The following CNOT6L variants were observed in gnomAD, a reference collection of about 807,000 sequenced individuals.
CNOT6L encodes CCR4-NOT transcription complex subunit 6-like.
Under a neutral mutation model 64.0 loss-of-function variants are expected in CNOT6L, and 7 were observed. That is an observed-to-expected ratio of 0.11 (90% CI 0.06 to 0.21). The LOEUF (loss-of-function observed/expected upper bound fraction) is 0.21. Among genes scored for constraint, CNOT6L ranks in the 10% least tolerant of loss-of-function variants. The pLI is 1.00. For missense variants in CNOT6L, 245 were observed against 669.0 expected, an observed-to-expected ratio of 0.37 and a Z score of 6.99; for synonymous variants, 193 against 243.4, an observed-to-expected ratio of 0.79 and a Z score of 1.93.
At chr4:77,768,354 T>G (rs1727096789) in intron 4 of CNOT6L, among the ~76,000 whole-genome samples, 1 of 151,246 alleles carries the variant, frequency 6.6e-6, no homozygotes, top group Non-Finnish European at 1.5e-5. Flanking sequence ...AAATCCCAAC[T>G]ACTTGGGAAG....
In CNOT6L at chr4:77,755,169, A is replaced by AG. The variant is rs553365597; in HGVS notation, c.490+1692_490+1693insC. Reference sequence around the variant, plus strand: ...TACAAGAACTCCTTACAAATGACACACACACAGCACACACATATGGCTGGA... The same window carrying AG: ...TACAAGAACTCCTTACAAATGACACAGCACACAGCACACACATATGGCTGGA... On this transcript the variant is annotated intron_variant, in intron 5 of 11. Coordinates refer to ENST00000504123, the MANE Select transcript of CNOT6L (RefSeq NM_144571.3). Among the ~76,000 whole-genome samples, 70 of 150,312 alleles carry AG rather than the reference A, an allele frequency of 4.7e-4. No individual in the cohort carries two copies. In the East Asian group the frequency reaches 9.8e-3, roughly 21 times the overall value.
At chr4:77,781,289 C>G (rs1424827473) in intron 1 of CNOT6L, among the ~76,000 whole-genome samples, 4 of 152,136 alleles carry the variant, frequency 2.6e-5, no homozygotes, top group Non-Finnish European at 4.4e-5. Context: ...ATGGGACATA[C>G]ATACCTATGT....
chr4:77,716,409 A>G lies in CNOT6L; in HGVS notation c.*4022T>C, dbSNP rs1720752188. On this transcript the variant is annotated 3_prime_UTR_variant, in exon 12 of 12. Transcript: ENST00000504123. Reference sequence around the variant, plus strand: ...AGGAATGACATAATGATGTGGTTATATGCCTCTGGTTCTTCAAAGAATGTA... The same window carrying G: ...AGGAATGACATAATGATGTGGTTATGTGCCTCTGGTTCTTCAAAGAATGTA... The G allele has an allele frequency of 6.6e-6, 1 of 152,134 alleles. No individual in the cohort carries two copies. Among genetic ancestry groups the G allele is most frequent in the African/African-American group, 2.4e-5 (1 of 41,460 alleles). The allele number at this position is 152,134 out of a possible 1,614,324, so 9.4% of individuals were successfully genotyped here. A position where few individuals can be genotyped will look rare whatever the true frequency, so the allele number is the denominator to read the frequency against.
intron 1 of CNOT6L, among the ~76,000 whole-genome samples, chr4:77,809,490 T>C (rs1732653218): frequency 6.6e-6 from 1 of 152,202 alleles, no homozygotes; most frequent in Admixed American, 6.5e-5. Flanking sequence ...ATTCTGTATA[T>C]AACTCACATT....
chr4:77,795,361 T>C (rs918097098), intron 1 of CNOT6L, among the ~76,000 whole-genome samples: 1 of 152,070 alleles, frequency 6.6e-6, no homozygotes, highest in African/African-American at 2.4e-5. Flanking sequence ...CATAAAAAAA[T>C]AGAGATTAAT....
intron 1 of CNOT6L, 21 bp downstream of exon 1, chr4:77,819,283 G>A (rs1030929725): frequency 4.4e-5 from 71 of 1,613,364 alleles, no homozygotes; most frequent in Non-Finnish European, 5.8e-5. Context: ...GGTCCTACTC[G>A]GAGGCAAAAG....
chr4:77,803,847 G>A (rs1417392381), intron 1 of CNOT6L, among the ~76,000 whole-genome samples: 1 of 151,830 alleles, frequency 6.6e-6, no homozygotes, highest in Admixed American at 6.6e-5. Flanking sequence ...AGGCTGCAGT[G>A]AGCCGAGATC....
In CNOT6L at chr4:77,808,278, G is replaced by A. The variant is rs1001977185; in HGVS notation, c.5+11026C>T. 5.3e-5 allele frequency among the ~76,000 whole-genome samples: 8 copies of A among 151,774 alleles called. 1 individual carries two copies. Among genetic ancestry groups the A allele is most frequent in the African/African-American group, 1.4e-4 (6 of 41,418 alleles). On this transcript the variant is annotated intron_variant, in intron 1 of 11. Coordinates refer to ENST00000504123, the MANE Select transcript of CNOT6L (RefSeq NM_144571.3). ...GGAGTTCGAGACCAGCCTGGCCAAC[G>A]TGGTGAAACCCCATCTCCACTAAAA...
In CNOT6L at chr4:77,810,643, T is replaced by G. The variant is rs77601726; in HGVS notation, c.5+8661A>C. The stretch of plus-strand genomic sequence containing the variant: ...TCAAACATGTATCATTTCTTTGCAT[T>G]TGGAACATTCAATATTTTCCTCCTA... On this transcript the variant is annotated intron_variant, in intron 1 of 11. Coordinates refer to ENST00000504123, the MANE Select transcript of CNOT6L (RefSeq NM_144571.3). Among the ~76,000 whole-genome samples the G allele has an allele frequency of 2.0e-4, 30 of 152,308 alleles. No homozygotes were observed. In the East Asian group the frequency reaches 5.8e-3, roughly 29 times the overall value.
intron 1 of CNOT6L, among the ~76,000 whole-genome samples, chr4:77,788,745 T>A (rs1729752277): frequency 1.3e-5 from 2 of 150,106 alleles, no homozygotes. Flanking sequence ...TAATAATAAA[T>A]AATAATAATA....
At chr4:77,770,583 G>C (rs903490649) in intron 4 of CNOT6L, among the ~76,000 whole-genome samples, 6 of 150,320 alleles carry the variant, frequency 4.0e-5, no homozygotes, top group African/African-American at 1.5e-4. Flanking sequence ...GACTCTCAAA[G>C]AAGTTTAGAA....
At chr4:77,748,178 A>C in intron 6 of CNOT6L, 138 bp downstream of exon 6, 1 of 679,056 alleles carries the variant, frequency 1.5e-6, no homozygotes, top group South Asian at 1.7e-5. Flanking sequence ...GGACTTTTTA[A>C]AAGTCTATCC....
At chr4:77,773,240 G>C in intron 3 of CNOT6L, 74 bp from the exon 4 acceptor site, 1 of 905,730 alleles carries the variant, frequency 1.1e-6, no homozygotes, top group Non-Finnish European at 1.7e-6. Flanking sequence ...CATTCTTAAG[G>C]CTCCTTCTAA....
In CNOT6L at chr4:77,719,613, C is replaced by T. The variant is rs751377340; in HGVS notation, c.*818G>A. The T allele has an allele frequency of 9.8e-5, 15 of 152,620 alleles. No homozygotes were observed. Among genetic ancestry groups the T allele is most frequent in the Non-Finnish European group, 2.1e-4 (14 of 68,038 alleles). 9.5% of individuals were successfully genotyped at this position (152,620 alleles called of 1,614,324 possible). A position where few individuals can be genotyped will look rare whatever the true frequency, so the allele number is the denominator to read the frequency against. ...GGTTGAATTGGAATAAGGAAAAATT[C>T]ATTCCGTGGGCATCCTAAACATACC... On this transcript the variant is annotated 3_prime_UTR_variant, in exon 12 of 12. Transcript: ENST00000504123.
chr4:77,768,138 A>G (rs1300128420), intron 4 of CNOT6L, among the ~76,000 whole-genome samples: 1 of 152,074 alleles, frequency 6.6e-6, no homozygotes, highest in Non-Finnish European at 1.5e-5. Flanking sequence ...ACTAACTACA[A>G]GAGAAAAGAT....
chr4:77,819,075 C>CACACACACACACACACACACACACACA (rs71214371), intron 1 of CNOT6L: 203 of 732,034 alleles, frequency 2.8e-4, no homozygotes, highest in East Asian at 8.5e-4. Flanking sequence ...CACACACACA[C>CACACACACACACACACACACACACACA]CCCGGAACCT....
At chr4:77,812,536 T>C in intron 1 of CNOT6L, among the ~76,000 whole-genome samples, 1 of 151,620 alleles carries the variant, frequency 6.6e-6, no homozygotes, top group African/African-American at 2.4e-5. Flanking sequence ...TTTATGCACT[T>C]GTCATGCAAA....
chr4:77,746,316 C>G (rs1560585114), intron 6 of CNOT6L, among the ~76,000 whole-genome samples: 1 of 152,162 alleles, frequency 6.6e-6, no homozygotes, highest in Non-Finnish European at 1.5e-5. Flanking sequence ...CCACTCATCT[C>G]TTATACTCTG....
At chr4:77,806,328 G>C (rs983739986) in intron 1 of CNOT6L, among the ~76,000 whole-genome samples, 3 of 152,136 alleles carry the variant, frequency 2.0e-5, no homozygotes, top group Admixed American at 6.5e-5. Flanking sequence ...AGGAGGCTGA[G>C]ACAGGAGAAT....
Sources: gnomAD v4.1 joint callset for allele counts (sites outside exome capture counted in the v4.1 genomes callset) on GRCh38, gnomAD v4.1.1 for gene constraint, MANE v1.5 for transcripts, NCBI Gene and HGNC (gene_info 2026-07-23, HGNC 2026-07-21) for gene names.